Variants in INTS6 observed in about 807,000 individuals in gnomAD.
INTS6 encodes the protein DEAD box protein.
INTS6 carries 16 observed loss-of-function variants against 104.9 expected under a neutral mutation model. The ratio of observed to expected loss-of-function variants is 0.15; its 90% CI spans 0.10 to 0.23. The LOEUF is 0.23. Ranked by LOEUF, INTS6 falls within the 10% of genes least tolerant of loss-of-function variation. The pLI is 1.00. For missense variants in INTS6, 584 were observed against 1,062.8 expected (o/e 0.55, Z 6.26); for synonymous variants, 324 against 358.7 (o/e 0.90, Z 1.09).
chr13:51,417,422 G>A (rs1956807719), intron 4 of INTS6, among the ~76,000 whole-genome samples: 1 of 148,346 alleles, frequency 6.7e-6, no homozygotes, highest in Non-Finnish European at 1.5e-5. Flanking sequence ...TGCATATTCA[G>A]TTGGCCCAAA....
At chr13:51,382,340 G>C (rs1194025576) in intron 9 of INTS6, among the ~76,000 whole-genome samples, 2 of 152,208 alleles carry the variant, frequency 1.3e-5, no homozygotes, top group Non-Finnish European at 2.9e-5. Context: ...AATTAAGTTA[G>C]AATCAGAAAA....
intron 15 of INTS6, among the ~76,000 whole-genome samples, chr13:51,371,358 T>G (rs540302938): frequency 5.3e-4 from 81 of 152,210 alleles, no homozygotes; most frequent in Non-Finnish European, 1.1e-3. Context: ...CTACTGCTCC[T>G]TAACTCAGCC....
At chr13:51,372,167 CAT>C (rs1331474459) in intron 15 of INTS6, among the ~76,000 whole-genome samples, 1 of 152,148 alleles carries the variant, frequency 6.6e-6, no homozygotes, top group African/African-American at 2.4e-5. Context: ...CGTTTATACT[CAT>C]AGCCATTGTT....
chr13:51,389,430 C>A lies in INTS6; in HGVS notation c.628G>T (p.Val210Leu). The change falls in exon 6 of 18, where the codon GTG becomes TTG. Residue 210 changes from valine (V) to leucine (L), a missense_variant. By Grantham distance (32) the Val-to-Leu change is conservative. This residue lies in a region of INTS6 where 144 missense variants were observed against 348.7 expected (regional missense o/e 0.41). Transcript: ENST00000311234. ...CEVTGGRSYS[V>L]CSPRMLNQCL... ...TGATTAAGCATTCTTGGAGAACACA[C>A]AGAATATGAACGGCCTGAGATTAAA... 6.2e-7 allele frequency: 1 copy of A among 1,608,196 alleles called. No homozygotes were observed. Among genetic ancestry groups the A allele is most frequent in the Non-Finnish European group, 8.5e-7 (1 of 1,177,466 alleles).
intron 4 of INTS6, among the ~76,000 whole-genome samples, chr13:51,409,642 T>C (rs192816013): frequency 4.8e-5 from 7 of 147,230 alleles, no homozygotes; most frequent in African/African-American, 1.7e-4. Flanking sequence ...ATAGGTAGTA[T>C]TTTTTTTAAT....
intron 2 of INTS6, 67 bp downstream of exon 2, chr13:51,451,911 C>A (rs910989030): frequency 1.1e-6 from 1 of 881,814 alleles, no homozygotes. Flanking sequence ...AATGGGGGGG[C>A]GGGGAGGGCG....
chr13:51,342,178 CAAAAAAA>C, the INTS6 span, among the ~76,000 whole-genome samples: 15 of 63,578 alleles, frequency 2.4e-4, no homozygotes, highest in Non-Finnish European at 3.0e-4. Context: ...AAAGACAGAA[CAAAAAAA>C]AAAAAAAAAA....
At chr13:51,374,823 A>C in intron 13 of INTS6, 27 bp from the exon 14 acceptor site, 5 of 1,608,298 alleles carry the variant, frequency 3.1e-6, no homozygotes, top group Non-Finnish European at 4.2e-6. Context: ...AACAGCAAAA[A>C]AAGTTAACCT....
downstream of INTS6, among the ~76,000 whole-genome samples, chr13:51,357,148 C>T (rs1180095970): frequency 3.9e-5 from 6 of 152,140 alleles, no homozygotes; most frequent in Non-Finnish European, 7.3e-5. Context: ...ATTTAATATC[C>T]GGCCCTTTAT....
intron 3 of INTS6, chr13:51,447,864 G>C (rs1483693628): frequency 6.6e-6 from 1 of 151,766 alleles, no homozygotes; most frequent in African/African-American, 2.4e-5. Context: ...TTCGAGACCA[G>C]CCTGACCAAC....
At chr13:51,423,856 T>C (rs542391767) in intron 4 of INTS6, among the ~76,000 whole-genome samples, 3 of 152,148 alleles carry the variant, frequency 2.0e-5, no homozygotes, top group African/African-American at 7.2e-5. Flanking sequence ...TTAAAAAAAA[T>C]TGTGGTTAGA....
chr13:51,402,699 C>T (rs1227295929), intron 4 of INTS6: 3 of 152,122 alleles, frequency 2.0e-5, no homozygotes, highest in Non-Finnish European at 4.4e-5. Flanking sequence ...GAAGACTGTC[C>T]TATTTTTCCT....
chr13:51,430,450 T>A lies in INTS6; in HGVS notation c.340-67A>T, dbSNP rs1334510272. 4.2e-5 allele frequency: 50 copies of A among 1,185,154 alleles called. No individual in the cohort carries two copies. In the East Asian group the frequency reaches 1.1e-3, roughly 26 times the overall value. The allele number at this position is 1,185,154 out of a possible 1,614,324, so 73.4% of individuals were successfully genotyped here. The stretch of plus-strand genomic sequence containing the variant: ...TTGGCTTACAAAGTAAAAAGTCAAT[T>A]CTCAGAACAGCATATATACGATCTC... On this transcript the variant is annotated intron_variant, in intron 3 of 17. Coordinates refer to ENST00000311234, the MANE Select transcript of INTS6 (RefSeq NM_012141.3).
intron 3 of INTS6, chr13:51,446,642 G>T (rs1376101632): frequency 6.6e-6 from 1 of 152,194 alleles, no homozygotes; most frequent in Non-Finnish European, 1.5e-5. Context: ...CAGCCAAGAA[G>T]TGGAAGCAAC....
intron 4 of INTS6, among the ~76,000 whole-genome samples, chr13:51,399,176 C>G (rs1956391208): frequency 1.3e-5 from 2 of 152,042 alleles, no homozygotes; most frequent in African/African-American, 4.8e-5. Context: ...ATCGTTCATT[C>G]CTATTGCCAT....
the INTS6 span, among the ~76,000 whole-genome samples, chr13:51,336,976 T>C: frequency 1.3e-5 from 2 of 152,252 alleles, no homozygotes; most frequent in Non-Finnish European, 2.9e-5. Context: ...TGCCGTTGCC[T>C]TCCTGGAAGG....
chr13:51,386,326 G>A (rs1956140792), intron 7 of INTS6, among the ~76,000 whole-genome samples: 1 of 152,068 alleles, frequency 6.6e-6, no homozygotes, highest in African/African-American at 2.4e-5. Context: ...TAACCAACAT[G>A]ACAATATTTC....
chr13:51,353,075 T>C (rs9535650), downstream of INTS6, among the ~76,000 whole-genome samples: 66,521 of 151,874 alleles, frequency 0.44, 15,369 homozygotes, highest in African/African-American at 0.59. Flanking sequence ...AATATCCTTG[T>C]CTGGTATTGG....
intron 4 of INTS6, among the ~76,000 whole-genome samples, chr13:51,425,816 T>G (rs1201238074): frequency 6.6e-6 from 1 of 152,068 alleles, no homozygotes; most frequent in Non-Finnish European, 1.5e-5. Flanking sequence ...CAAACAGTAC[T>G]GAGTATCTGG....
Sources: gnomAD v4.1 joint callset for allele counts (sites outside exome capture counted in the v4.1 genomes callset) on GRCh38, gnomAD v4.1.1 for gene constraint, gnomAD v4.1.1 regional missense constraint, MANE v1.5 for transcripts, NCBI Gene and HGNC (gene_info 2026-07-23, HGNC 2026-07-21) for gene names.